Variants in KCTD3 observed in about 807,000 individuals in gnomAD.
KCTD3 encodes potassium channel tetramerization domain containing 3, also known as BTB/POZ domain-containing protein KCTD3.
Under a neutral mutation model 85.8 loss-of-function variants are expected in KCTD3, and 41 were observed. The observed-to-expected ratio is 0.48, with a 90% CI of 0.37 to 0.62. The LOEUF is 0.62. Ranked by LOEUF, KCTD3 falls within the 20% of genes least tolerant of loss-of-function variation. The pLI is 0.00. For missense variants in KCTD3, 724 were observed against 989.9 expected, an observed-to-expected ratio of 0.73 and a Z score of 3.60; for synonymous variants, 338 against 345.4, an observed-to-expected ratio of 0.98 and a Z score of 0.24.
At chr1:215,609,372 A>T (rs1655148855) in intron 14 of KCTD3, among the ~76,000 whole-genome samples, 1 of 151,992 alleles carries the variant, frequency 6.6e-6, no homozygotes, top group African/African-American at 2.4e-5. Flanking sequence ...GAAGGTCATT[A>T]ATTGTTGGAT....
chr1:215,618,117 C>G (rs1655526033), intron 15 of KCTD3: 1 of 467,736 alleles, frequency 2.1e-6, no homozygotes, highest in African/African-American at 2.0e-5. Context: ...GTTTCTAGAT[C>G]CAGCCAAGAG....
At chr1:215,589,173 TCA>T (rs1185471530) in intron 9 of KCTD3, among the ~76,000 whole-genome samples, 1 of 152,086 alleles carries the variant, frequency 6.6e-6, no homozygotes, top group Non-Finnish European at 1.5e-5. Context: ...TCTTGCTCTG[TCA>T]CACAGGCTGG....
At chr1:215,580,383 G>A in intron 8 of KCTD3, among the ~76,000 whole-genome samples, 1 of 152,290 alleles carries the variant, frequency 6.6e-6, no homozygotes, top group East Asian at 1.9e-4. Context: ...GTATTCTATA[G>A]CAAGGGAGAG....
intron 3 of KCTD3, among the ~76,000 whole-genome samples, chr1:215,575,510 T>G (rs1659537700): frequency 6.6e-6 from 1 of 152,218 alleles, no homozygotes; most frequent in South Asian, 2.1e-4. Context: ...TTTTAATGAT[T>G]GAACAGTATA....
intron 15 of KCTD3, 139 bp from the exon 16 acceptor site, chr1:215,618,747 C>G: frequency 1.5e-6 from 1 of 649,982 alleles, no homozygotes; most frequent in Non-Finnish European, 2.6e-6. Flanking sequence ...AAGATTTACA[C>G]ATAAATTTTA....
chr1:215,608,736 A>G (rs938517796), intron 14 of KCTD3, among the ~76,000 whole-genome samples: 17 of 151,926 alleles, frequency 1.1e-4, no homozygotes. Flanking sequence ...ACACATATAC[A>G]GTCTTCATAG....
chr1:215,577,154 A>G (rs1226364097), intron 4 of KCTD3, among the ~76,000 whole-genome samples: 1 of 137,868 alleles, frequency 7.3e-6, no homozygotes, highest in East Asian at 2.1e-4. Context: ...TTTCTATTTT[A>G]TTTGTTCAAC....
chr1:215,586,784 A>G, intron 9 of KCTD3, 99 bp downstream of exon 9: 1 of 886,772 alleles, frequency 1.1e-6, no homozygotes, highest in Non-Finnish European at 1.7e-6. Flanking sequence ...CTGGACTGTC[A>G]GTTAGCTAGA....
chr1:215,586,397 G>GTT, intron 8 of KCTD3, 98 bp from the exon 9 acceptor site: 1 of 976,212 alleles, frequency 1.0e-6, no homozygotes, highest in Middle Eastern at 2.3e-4. Context: ...TTTTTTTTTT[G>GTT]TTTTTTGTTG....
Position 215,620,287 on chromosome 1 carries a change from T to C in KCTD3, c.2117T>C (p.Ile706Thr), listed in dbSNP as rs1485596984. 1.2e-6 allele frequency: 2 copies of C among 1,613,824 alleles called. No individual in the cohort carries two copies. The highest frequency in any genetic ancestry group is 1.3e-5 in the African/African-American group (1 of 74,914). ...AAAGGGGCAACAGGGGAATGTAATATATCTGAGAGAAAGTCTCCTGGAGTA... is the reference window on the plus strand; with the variant it reads ...AAAGGGGCAACAGGGGAATGTAATACATCTGAGAGAAAGTCTCCTGGAGTA... ...EVKGATGECN[I>T]SERKSPGVEI... is the part of the protein sequence containing the mutation. The change falls in exon 18 of 18, where the codon ATA (isoleucine) becomes ACA (threonine). Residue 706 changes from isoleucine (I) to threonine (T), a missense_variant. Physicochemically the swap from Ile to Thr is moderately conservative, Grantham distance 89 (BLOSUM62 -1). Transcript: ENST00000259154.
Position 215,620,660 on chromosome 1 carries a change from A to C in KCTD3, c.*42A>C. ...ATAGTTGTTTCGTTACATTTAGATGAAAGTTAAACTTTACTGAATTTCAGT... is the reference window on the plus strand; with the variant it reads ...ATAGTTGTTTCGTTACATTTAGATGCAAGTTAAACTTTACTGAATTTCAGT... On this transcript the variant is annotated 3_prime_UTR_variant, in exon 18 of 18. Transcript: ENST00000259154. The C allele has an allele frequency of 1.5e-6, 2 of 1,367,530 alleles. No homozygotes were observed. The highest frequency in any genetic ancestry group is 2.9e-5 in the South Asian group (2 of 69,252). The allele number at this position is 1,367,530 out of a possible 1,614,324, so 84.7% of individuals were successfully genotyped here.
At chr1:215,601,780 C>G in intron 10 of KCTD3, 87 bp from the exon 11 acceptor site, 1 of 802,528 alleles carries the variant, frequency 1.2e-6, no homozygotes, top group Non-Finnish European at 2.0e-6. Context: ...GCCTCTTTAC[C>G]AGAAGAATCA....
intron 13 of KCTD3, among the ~76,000 whole-genome samples, chr1:215,605,722 C>T (rs1265063269): frequency 6.6e-6 from 1 of 152,182 alleles, no homozygotes; most frequent in African/African-American, 2.4e-5. Context: ...CTTATCTACT[C>T]AAGCTGAAAA....
chr1:215,606,679 G>A (rs566670227), intron 13 of KCTD3, among the ~76,000 whole-genome samples: 24 of 151,922 alleles, frequency 1.6e-4, no homozygotes, highest in Admixed American at 1.2e-3. Flanking sequence ...ATTTCATGTA[G>A]GTTTGAAACT....
intron 15 of KCTD3, among the ~76,000 whole-genome samples, chr1:215,616,590 A>G (rs1016309099): frequency 1.3e-5 from 2 of 152,004 alleles, no homozygotes; most frequent in Non-Finnish European, 1.5e-5. Context: ...GAGAAACCCC[A>G]TCTCTACTAA....
intron 14 of KCTD3, among the ~76,000 whole-genome samples, chr1:215,609,830 C>A (rs949864313): frequency 6.6e-6 from 1 of 151,826 alleles, no homozygotes; most frequent in Non-Finnish European, 1.5e-5. Flanking sequence ...CATATGGATA[C>A]TATTCTGTGG....
At chr1:215,599,479 T>C (rs1654745925) in intron 10 of KCTD3, among the ~76,000 whole-genome samples, 1 of 152,178 alleles carries the variant, frequency 6.6e-6, no homozygotes, top group Non-Finnish European at 1.5e-5. Flanking sequence ...TAAATTTACA[T>C]GTAGAAATTA....
At position 215,579,041 on chromosome 1, in the gene KCTD3, G is replaced by A. The variant is rs768904217; in HGVS notation, c.439G>A (p.Asp147Asn). Residue 147 changes from aspartate to asparagine, a missense_variant, in exon 7 of 18, where the codon GAT (aspartate) becomes AAT (asparagine). Physicochemically the swap from Asp to Asn is conservative, Grantham distance 23. Coordinates refer to ENST00000259154, the MANE Select transcript of KCTD3 (RefSeq NM_016121.5). ...RKINNTVRSA[D>N]SRNGLNSTEG... ...AATAAACAACACAGTCAGATCTGCT[G>A]ATTCTAGGAATGGTCTAAATTCTAC... 3.8e-6 allele frequency: 6 copies of A among 1,576,384 alleles called. No individual in the cohort carries two copies. The highest frequency in any genetic ancestry group is 5.1e-6 in the Non-Finnish European group (6 of 1,166,020).
chr1:215,610,491 C>T (rs933544168), intron 14 of KCTD3, among the ~76,000 whole-genome samples: 1 of 151,878 alleles, frequency 6.6e-6, no homozygotes, highest in Non-Finnish European at 1.5e-5. Flanking sequence ...GGGTCAGTCT[C>T]ATGTCAACAT....
Sources: allele counts gnomAD v4.1 joint callset (sites outside exome capture counted in the v4.1 genomes callset), GRCh38; gene constraint gnomAD v4.1.1; transcripts MANE v1.5; gene names NCBI Gene and HGNC (gene_info 2026-07-23, HGNC 2026-07-21).